Variants in SLC9A9 observed in about 807,000 individuals in gnomAD.
SLC9A9 encodes the protein sodium/hydrogen exchanger 9.
Under a neutral mutation model 77.8 loss-of-function variants are expected in SLC9A9, and 62 were observed. The observed-to-expected ratio is 0.80, with a 90% CI of 0.65 to 0.98. The LOEUF (loss-of-function observed/expected upper bound fraction) is 0.98, where lower values mean the gene tolerates loss of function less well. Among genes scored for constraint, SLC9A9 ranks in the 50% least tolerant of loss-of-function variants. The pLI, the probability that SLC9A9 is intolerant of heterozygous loss-of-function variation, is 0.00. For missense variants in SLC9A9, 775 were observed against 774.9 expected, an observed-to-expected ratio of 1.00 and a Z score of 0.00; for synonymous variants, 320 against 283.5, an observed-to-expected ratio of 1.13 and a Z score of -1.29.
At chr3:143,620,090 A>T (rs1037003469) in intron 6 of SLC9A9, among the ~76,000 whole-genome samples, 1 of 152,170 alleles carries the variant, frequency 6.6e-6, no homozygotes, top group African/African-American at 2.4e-5. Flanking sequence ...CCCTGCCTCC[A>T]TGAGTGATGC....
At chr3:143,468,674 T>G (rs767502088) in intron 11 of SLC9A9, among the ~76,000 whole-genome samples, 1 of 152,328 alleles carries the variant, frequency 6.6e-6, no homozygotes, top group African/African-American at 2.4e-5. Context: ...CAAAGAAAAC[T>G]AAGCTTATGG....
intron 6 of SLC9A9, among the ~76,000 whole-genome samples, chr3:143,651,677 G>C (rs182210606): frequency 9.2e-5 from 14 of 152,318 alleles, no homozygotes. Flanking sequence ...TAAGGAAAGA[G>C]CACTGGCTCT....
At chr3:143,591,177 C>A (rs2037638750) in intron 6 of SLC9A9, among the ~76,000 whole-genome samples, 1 of 152,204 alleles carries the variant, frequency 6.6e-6, no homozygotes, top group African/African-American at 2.4e-5. Context: ...TCCCTGATCT[C>A]CCATTTATTA....
intron 4 of SLC9A9, among the ~76,000 whole-genome samples, chr3:143,694,481 G>A (rs191218849): frequency 1.3e-3 from 194 of 152,176 alleles, no homozygotes; most frequent in African/African-American, 4.5e-3. Flanking sequence ...TCTCAATGAG[G>A]TCACTGAGGC....
chr3:143,558,037 A>G (rs534081199), intron 8 of SLC9A9, among the ~76,000 whole-genome samples: 2 of 152,340 alleles, frequency 1.3e-5, no homozygotes, highest in South Asian at 2.1e-4. Context: ...AAATGGTTTA[A>G]TGGGCCTGGC....
At chr3:143,400,686 TA>T (rs2033833934) in intron 12 of SLC9A9, among the ~76,000 whole-genome samples, 1 of 99,634 alleles carries the variant, frequency 1.0e-5, no homozygotes, top group Admixed American at 9.8e-5. Context: ...CCTATGGAAA[TA>T]AACAATTAAA....
chr3:143,782,058 A>G (rs2007898864), intron 4 of SLC9A9, among the ~76,000 whole-genome samples: 1 of 152,234 alleles, frequency 6.6e-6, no homozygotes, highest in South Asian at 2.1e-4. Flanking sequence ...TAAGTGCTTA[A>G]CAGTATTCTA....
intron 9 of SLC9A9, among the ~76,000 whole-genome samples, chr3:143,512,636 G>C (rs1436363182): frequency 6.6e-6 from 1 of 152,250 alleles, no homozygotes; most frequent in Admixed American, 6.5e-5. Context: ...CCAGCACTTT[G>C]GGATGCCAAG....
intron 6 of SLC9A9, among the ~76,000 whole-genome samples, chr3:143,629,905 T>C (rs918659900): frequency 5.9e-5 from 9 of 152,086 alleles, no homozygotes; most frequent in African/African-American, 2.2e-4. Context: ...CTTGTCTTCT[T>C]AGGGCTGTAA....
At chr3:143,421,912 T>C (rs935876092) in intron 12 of SLC9A9, among the ~76,000 whole-genome samples, 1 of 151,848 alleles carries the variant, frequency 6.6e-6, no homozygotes, top group Non-Finnish European at 1.5e-5. Context: ...AATAATCCCA[T>C]GAAAAAGTGG....
chr3:143,746,153 T>G (rs958173103), intron 4 of SLC9A9, among the ~76,000 whole-genome samples: 2 of 152,150 alleles, frequency 1.3e-5, no homozygotes, highest in African/African-American at 4.8e-5. Flanking sequence ...GGAAAACAAC[T>G]GGAGGCAGAG....
At chr3:143,808,619 T>C (rs545266592) in intron 2 of SLC9A9, among the ~76,000 whole-genome samples, 3 of 152,318 alleles carry the variant, frequency 2.0e-5, no homozygotes, top group Non-Finnish European at 4.4e-5. Context: ...TATTTCATGA[T>C]CTAGGTTCCT....
chr3:143,819,788 A>T (rs529544044), intron 2 of SLC9A9, among the ~76,000 whole-genome samples: 1 of 152,354 alleles, frequency 6.6e-6, no homozygotes, highest in African/African-American at 2.4e-5. Flanking sequence ...AGGCTGTTAC[A>T]GTTTTAAAGT....
Position 143,711,647 on chromosome 3 carries a change from C to A in SLC9A9, c.534-18340G>T, listed in dbSNP as rs368722822. Among the ~76,000 whole-genome samples, 90 of 150,444 alleles carry A rather than the reference C, an allele frequency of 6.0e-4. 1 individual carries two copies. Among genetic ancestry groups the A allele is most frequent in the African/African-American group, 2.2e-3 (88 of 40,838 alleles). On this transcript the variant is annotated intron_variant, in intron 4 of 15. Transcript: ENST00000316549. ...CCCAGGTTGGTCTTGAATTCCTAGG[C>A]TCAAGTGACCCTTCCCACTATGGCC...
intron 6 of SLC9A9, among the ~76,000 whole-genome samples, chr3:143,593,497 T>C (rs2037692755): frequency 6.6e-6 from 1 of 152,226 alleles, no homozygotes; most frequent in African/African-American, 2.4e-5. Flanking sequence ...TCAAACCTAT[T>C]ATCACCTTCT....
chr3:143,619,599 C>T (rs1458108691), intron 6 of SLC9A9, among the ~76,000 whole-genome samples: 1 of 152,118 alleles, frequency 6.6e-6, no homozygotes, highest in Non-Finnish European at 1.5e-5. Context: ...CATGCTGTGT[C>T]AATCCCGAGG....
intron 11 of SLC9A9, among the ~76,000 whole-genome samples, chr3:143,482,583 C>G (rs2035591259): frequency 6.6e-6 from 1 of 152,238 alleles, no homozygotes; most frequent in South Asian, 2.1e-4. Context: ...GCTCTGCACC[C>G]TGGCTCTTTA....
chr3:143,785,863 T>C lies in SLC9A9; in HGVS notation c.533+9138A>G, dbSNP rs1325939010. On this transcript the variant is annotated intron_variant, in intron 4 of 15. Transcript: ENST00000316549. ...AATTTTTCTTTTTTTTTTTTTTTTT[T>C]TTTTTTTTTTTGAGACGGAGTTTCG... is the stretch of plus-strand genomic sequence containing the variant. Among the ~76,000 whole-genome samples the C allele has an allele frequency of 4.7e-4, 67 of 143,322 alleles. 1 individual carries two copies. The highest frequency in any genetic ancestry group is 6.5e-4 in the Non-Finnish European group (42 of 64,904). The allele number at this position is 143,322 out of a possible 152,430, so 94.0% of individuals were successfully genotyped here.
intron 12 of SLC9A9, among the ~76,000 whole-genome samples, chr3:143,449,919 T>C (rs1285433029): frequency 1.0e-5 from 1 of 95,718 alleles, no homozygotes; most frequent in Non-Finnish European, 1.8e-5. Flanking sequence ...TAATATTACA[T>C]AATATATATT....
Sources: gnomAD v4.1 joint callset for allele counts (sites outside exome capture counted in the v4.1 genomes callset) on GRCh38, gnomAD v4.1.1 for gene constraint, MANE v1.5 for transcripts, NCBI Gene and HGNC (gene_info 2026-07-23, HGNC 2026-07-21) for gene names.